The following SIPA1L1 variants were observed in gnomAD, a reference collection of about 807,000 sequenced individuals.
SIPA1L1 encodes signal-induced proliferation-associated 1-like protein 1.
A neutral mutation model predicts 162.7 loss-of-function variants in SIPA1L1; 26 were observed. The observed-to-expected ratio is 0.16, with a 90% CI of 0.12 to 0.22. The LOEUF is 0.22. SIPA1L1 is among the 10% of genes least tolerant of loss of function. The pLI, the probability that SIPA1L1 is intolerant of heterozygous loss-of-function variation, is 1.00. For synonymous variants in SIPA1L1, 829 were observed against 837.4 expected (o/e 0.99, Z 0.17); for missense variants, 1,874 against 2,241.0 (o/e 0.84, Z 3.31).
chr14:71,585,396 T>C (rs1020926095), intron 4 of SIPA1L1, among the ~76,000 whole-genome samples: 1 of 152,174 alleles, frequency 6.6e-6, no homozygotes, highest in Non-Finnish European at 1.5e-5. Context: ...TTTGAATTGG[T>C]AAGAAATTTT....
chr14:71,535,830 A>C (rs530977483), intron 4 of SIPA1L1, among the ~76,000 whole-genome samples: 28 of 152,128 alleles, frequency 1.8e-4, no homozygotes, highest in Admixed American at 5.2e-4. Context: ...GGCTGTTTTC[A>C]AACTCCTGGC....
chr14:71,537,597 G>A (rs2054013953), intron 4 of SIPA1L1, among the ~76,000 whole-genome samples: 1 of 152,164 alleles, frequency 6.6e-6, no homozygotes, highest in South Asian at 2.1e-4. Flanking sequence ...TTTAGATAAA[G>A]TATTTTCAGT....
chr14:71,642,398 G>T (rs879296255), intron 7 of SIPA1L1, among the ~76,000 whole-genome samples: 4 of 152,130 alleles, frequency 2.6e-5, no homozygotes, highest in South Asian at 2.1e-4. Flanking sequence ...CCTCTGGTGC[G>T]AATAGTTTCA....
intron 9 of SIPA1L1, 22 bp from the exon 10 acceptor site, chr14:71,661,284 TGTTG>T (rs1353205031): frequency 6.2e-7 from 1 of 1,608,796 alleles, no homozygotes; most frequent in Admixed American, 1.7e-5. Context: ...TTGTTATTTA[TGTTG>T]GTTGCTTATT....
At chr14:71,480,540 A>T (rs776486312) in intron 2 of SIPA1L1, among the ~76,000 whole-genome samples, 1 of 151,458 alleles carries the variant, frequency 6.6e-6, no homozygotes, top group South Asian at 2.1e-4. Context: ...GTTGGGTGGA[A>T]CACCTGAGGT....
In SIPA1L1 at chr14:71,738,254, T is replaced by C. The variant is rs1437620525; in HGVS notation, c.5137T>C (p.Ser1713Pro). 1.2e-6 allele frequency: 2 copies of C among 1,601,304 alleles called. No homozygotes were observed. Among genetic ancestry groups the C allele is most frequent in the Non-Finnish European group, 1.7e-6 (2 of 1,172,604 alleles). ...TCTTGTTCCCAGCAGTAAAGACTCC[T>C]CTCCCACTCTGGCTTCTAAAGTGGA... ...MKPYSSSKDS[S>P]PTLASKVDQL... Residue 1713 changes from serine (S) to proline (P), a missense_variant, in exon 23 of 24, where the codon TCT becomes CCT. By Grantham distance (74) the Ser-to-Pro change is moderately conservative (BLOSUM62 -1). This residue lies in a region of SIPA1L1 where 936 missense variants were observed against 1,051.9 expected (regional missense o/e 0.89). Coordinates refer to ENST00000381232, the MANE Select transcript of SIPA1L1 (RefSeq NM_001386936.1).
intron 1 of SIPA1L1, 89 bp downstream of exon 1, chr14:71,320,592 C>T (rs1028847676): frequency 6.5e-6 from 1 of 152,714 alleles, no homozygotes; most frequent in Non-Finnish European, 1.5e-5. Context: ...CACTCCATTC[C>T]CTCCCGCCTC....
intron 3 of SIPA1L1, among the ~76,000 whole-genome samples, chr14:71,529,042 G>A (rs545805629): frequency 8.5e-5 from 13 of 152,186 alleles, no homozygotes; most frequent in African/African-American, 3.1e-4. Flanking sequence ...AACCTGGGAG[G>A]TGGAGGTTGT....
intron 13 of SIPA1L1, among the ~76,000 whole-genome samples, chr14:71,686,354 G>A (rs2080864912): frequency 2.6e-5 from 4 of 152,124 alleles, no homozygotes. Flanking sequence ...GTAAACTGCA[G>A]CACTTTGAAC....
At chr14:71,714,048 C>G (rs1597171747) in intron 17 of SIPA1L1, among the ~76,000 whole-genome samples, 1 of 152,050 alleles carries the variant, frequency 6.6e-6, no homozygotes, top group Non-Finnish European at 1.5e-5. Flanking sequence ...CTCTATTTGC[C>G]TTAGCCTAGG....
At chr14:71,645,684 G>T (rs1326398708) in intron 7 of SIPA1L1, among the ~76,000 whole-genome samples, 1 of 152,184 alleles carries the variant, frequency 6.6e-6, no homozygotes, top group African/African-American at 2.4e-5. Flanking sequence ...AGGAGTGCTG[G>T]TATAGTTTGG....
At chr14:71,621,703 T>C (rs1418392913) in intron 6 of SIPA1L1, among the ~76,000 whole-genome samples, 3 of 152,174 alleles carry the variant, frequency 2.0e-5, no homozygotes, top group Admixed American at 2.0e-4. Flanking sequence ...CCCAGGAGGG[T>C]GGGGGCTTCT....
intron 2 of SIPA1L1, among the ~76,000 whole-genome samples, chr14:71,391,723 A>C (rs907054870): frequency 1.3e-5 from 2 of 152,318 alleles, no homozygotes; most frequent in South Asian, 4.1e-4. Flanking sequence ...ACTAGAGTAC[A>C]TTCTAAAGAG....
At chr14:71,602,986 G>A (rs1344391102) in intron 5 of SIPA1L1, among the ~76,000 whole-genome samples, 1 of 152,200 alleles carries the variant, frequency 6.6e-6, no homozygotes, top group African/African-American at 2.4e-5. Context: ...TAGTATTGGA[G>A]TCTTTCTCTT....
At chr14:71,668,305 T>C (rs756338510) in intron 10 of SIPA1L1, among the ~76,000 whole-genome samples, 20 of 152,150 alleles carry the variant, frequency 1.3e-4, no homozygotes, top group Non-Finnish European at 2.8e-4. Flanking sequence ...TGTGGGCTTG[T>C]CGTGGAGCAC....
intron 13 of SIPA1L1, among the ~76,000 whole-genome samples, chr14:71,691,278 A>G (rs1351836915): frequency 6.6e-6 from 1 of 152,182 alleles, no homozygotes; most frequent in Non-Finnish European, 1.5e-5. Flanking sequence ...CTTCAGGATC[A>G]AGTCCAACTC....
At chr14:71,672,279 TC>T in intron 11 of SIPA1L1, 68 bp from the exon 12 acceptor site, 1 of 1,508,312 alleles carries the variant, frequency 6.6e-7, no homozygotes. Flanking sequence ...GCAATGATTT[TC>T]CAGTTCCATG....
At position 71,661,342 on chromosome 14, in the gene SIPA1L1, C is replaced by T. The variant is rs547495380; in HGVS notation, c.2130C>T (p.Ile710=). The change falls in exon 10 of 24, where the codon ATC becomes ATT. Residue 710 remains isoleucine (I), a synonymous_variant. Transcript: ENST00000381232. ...GGAAGCGGCACATTGGAAATGATAT[C>T]GTAACAATTGTTTTCCAAGAGCCTG... The part of the protein sequence containing the change: ...LLRKRHIGND[I]VTIVFQEPGA... The T allele has an allele frequency of 1.0e-4, 165 of 1,613,838 alleles. 2 individuals are homozygous for T. The South Asian group carries it at 1.6e-3, about 16-fold the overall frequency.
At chr14:71,562,199 G>A (rs1472029090) in intron 4 of SIPA1L1, among the ~76,000 whole-genome samples, 1 of 151,584 alleles carries the variant, frequency 6.6e-6, no homozygotes, top group Non-Finnish European at 1.5e-5. Flanking sequence ...AGTATAACAA[G>A]TATCATATCT....
Sources: allele counts gnomAD v4.1 joint callset (sites outside exome capture counted in the v4.1 genomes callset), GRCh38; gene constraint gnomAD v4.1.1; regional missense constraint gnomAD v4.1.1; transcripts MANE v1.5; gene names NCBI Gene and HGNC (gene_info 2026-07-23, HGNC 2026-07-21).